Variants in FREM1 observed in about 807,000 individuals in gnomAD.
FREM1 encodes the protein FRAS1-related extracellular matrix protein 1.
In FREM1, 220 loss-of-function variants were observed where a neutral mutation model predicts 210.1. The ratio of observed to expected loss-of-function variants is 1.05; its 90% CI spans 0.94 to 1.17. The LOEUF (loss-of-function observed/expected upper bound fraction) is 1.17. Among genes scored for constraint, FREM1 ranks in the 50% most tolerant of loss-of-function variants. The pLI, the probability that FREM1 is intolerant of heterozygous loss-of-function variation, is 0.00. For missense variants in FREM1, 3,454 were observed against 2,675.5 expected (o/e 1.29, Z -6.42); for synonymous variants, 1,189 against 980.2 (o/e 1.21, Z -3.98).
intron 23 of FREM1, among the ~76,000 whole-genome samples, chr9:14,786,595 A>G (rs954721930): frequency 1.3e-5 from 2 of 152,180 alleles, no homozygotes; most frequent in Non-Finnish European, 2.9e-5. Flanking sequence ...TGGCTTCTAG[A>G]TTCAGAGACC....
At chr9:14,852,256 C>A (rs1827891334) in intron 5 of FREM1, among the ~76,000 whole-genome samples, 1 of 152,166 alleles carries the variant, frequency 6.6e-6, no homozygotes, top group Non-Finnish European at 1.5e-5. Context: ...AAGGGTTGGG[C>A]ATTGGGGATT....
rs1036845750 is a variant in FREM1, at chr9:14,742,565, G to A, written c.6255-2331C>T. ...AATCTGGTTAGGGACAAAGGATAAA[G>A]CAAAATTTGCTGTCCTTGTGGAAAT... On this transcript the variant is annotated intron_variant, in intron 35 of 36. Transcript: ENST00000380880. 3.3e-5 allele frequency among the ~76,000 whole-genome samples: 5 copies of A among 152,220 alleles called. No homozygotes were observed. The East Asian group carries it at 5.8e-4, about 18-fold the overall frequency.
At chr9:14,745,743 G>A (rs2131972130) in intron 35 of FREM1, among the ~76,000 whole-genome samples, 1 of 152,320 alleles carries the variant, frequency 6.6e-6, no homozygotes, top group Non-Finnish European at 1.5e-5. Context: ...AAAAAGGAGG[G>A]TCAGGGATAG....
chr9:14,905,450 C>G (rs748272900), intron 1 of FREM1, among the ~76,000 whole-genome samples: 1 of 152,188 alleles, frequency 6.6e-6, no homozygotes, highest in Non-Finnish European at 1.5e-5. Context: ...GATGCATCTC[C>G]TTATGCATTT....
rs776734535 is a variant in FREM1 at position 14,812,836 on chromosome 9, C to T, written c.2869G>A (p.Glu957Lys). The part of the protein sequence containing the change: ...DQFSQRDVIS[E>K]AVTYKHTGGE... ...CCTGTGTGTTTGTATGTCACGGCCT[C>T]TGAGATAACATCTCTCTGAGAGAAC... Residue 957 changes from glutamate (E) to lysine (K), a missense_variant, in exon 16 of 37, where the codon GAG becomes AAG. By Grantham distance (56) the Glu-to-Lys change is moderately conservative (BLOSUM62 1). Transcript: ENST00000380880. 1.3e-5 allele frequency: 21 copies of T among 1,612,706 alleles called. No individual in the cohort carries two copies. The highest frequency in any genetic ancestry group is 1.8e-5 in the Non-Finnish European group (21 of 1,179,032).
At chr9:14,752,911 G>A (rs999669210) in intron 29 of FREM1, among the ~76,000 whole-genome samples, 2 of 152,204 alleles carry the variant, frequency 1.3e-5, no homozygotes, top group South Asian at 2.1e-4. Flanking sequence ...ACCTTACGGA[G>A]TAGAACCAGA....
intron 23 of FREM1, among the ~76,000 whole-genome samples, chr9:14,787,286 CAA>C (rs869195129): frequency 6.8e-6 from 1 of 147,318 alleles, no homozygotes; most frequent in East Asian, 2.1e-4. Flanking sequence ...CAAAACAAAA[CAA>C]AAAACTGTAC....
intron 1 of FREM1, among the ~76,000 whole-genome samples, chr9:14,888,066 G>A (rs1468494090): frequency 1.3e-5 from 2 of 152,138 alleles, no homozygotes; most frequent in Non-Finnish European, 2.9e-5. Flanking sequence ...CCAAAGTGCT[G>A]GGATTACAGG....
intron 1 of FREM1, 89 bp from the exon 2 acceptor site, chr9:14,869,333 T>C (rs1832136347): frequency 4.9e-6 from 1 of 203,534 alleles, no homozygotes; most frequent in African/African-American, 2.3e-5. Flanking sequence ...AACAAAGGGA[T>C]CTTTCAACCA....
At chr9:14,867,462 T>A (rs926994097) in intron 2 of FREM1, among the ~76,000 whole-genome samples, 2 of 152,140 alleles carry the variant, frequency 1.3e-5, no homozygotes, top group South Asian at 2.1e-4. Context: ...TGACTGACGA[T>A]AAAATCTTAC....
At chr9:14,870,300 A>G (rs988026398) in intron 1 of FREM1, among the ~76,000 whole-genome samples, 1 of 152,178 alleles carries the variant, frequency 6.6e-6, no homozygotes, top group Non-Finnish European at 1.5e-5. Flanking sequence ...GCAGTGCCTG[A>G]CTTGTGTCAC....
chr9:14,869,768 C>T (rs1832243114), intron 1 of FREM1, among the ~76,000 whole-genome samples: 1 of 152,222 alleles, frequency 6.6e-6, no homozygotes, highest in Non-Finnish European at 1.5e-5. Flanking sequence ...GCAATGAAGA[C>T]ACCTAAGAAA....
intron 29 of FREM1, among the ~76,000 whole-genome samples, chr9:14,753,976 C>G (rs1843827350): frequency 6.6e-6 from 1 of 152,130 alleles, no homozygotes; most frequent in Non-Finnish European, 1.5e-5. Context: ...CTCAAAACAG[C>G]ATGTGAGCTC....
At position 14,788,969 on chromosome 9, in the gene FREM1, T is replaced by A. The variant is rs745536185; in HGVS notation, c.4127A>T (p.Asn1376Ile). ...SFTFYLWDGNNRSPALDCQIT... is the reference protein window; with the variant it reads ...SFTFYLWDGNIRSPALDCQIT... ...TTGACAGTCAAGAGCAGGGGACCTG[T>A]TGTTGCCATCCCAAAGGTAGAAGGT... Residue 1376 changes from asparagine (N) to isoleucine (I), a missense_variant, in exon 23 of 37, where the codon AAC becomes ATC. Coordinates refer to ENST00000380880, the MANE Select transcript of FREM1 (RefSeq NM_001379081.2). 1 of 1,613,256 alleles carries A rather than the reference T, an allele frequency of 6.2e-7. No individual in the cohort carries two copies. The highest frequency in any genetic ancestry group is 1.1e-5 in the South Asian group (1 of 90,810).
At chr9:14,860,047 A>G (rs1007329969) in intron 3 of FREM1, among the ~76,000 whole-genome samples, 9 of 152,130 alleles carry the variant, frequency 5.9e-5, no homozygotes, top group African/African-American at 2.2e-4. Flanking sequence ...TCTAAAATAG[A>G]GGGGTGTCAT....
intron 31 of FREM1, 125 bp downstream of exon 31, chr9:14,748,276 C>T (rs1025740324): frequency 1.6e-6 from 1 of 641,256 alleles, no homozygotes; most frequent in East Asian, 2.7e-5. Context: ...GTGCAAGGAA[C>T]CATGGCCCCC....
At chr9:14,887,966 T>A (rs1410415391) in intron 1 of FREM1, among the ~76,000 whole-genome samples, 1 of 151,972 alleles carries the variant, frequency 6.6e-6, no homozygotes, top group Non-Finnish European at 1.5e-5. Context: ...CCCAGCTAAT[T>A]TTCATATTTT....
At chr9:14,860,051 G>T (rs928639560) in intron 3 of FREM1, among the ~76,000 whole-genome samples, 1 of 152,098 alleles carries the variant, frequency 6.6e-6, no homozygotes, top group Non-Finnish European at 1.5e-5. Context: ...AAATAGAGGG[G>T]TGTCATTTTT....
At chr9:14,886,961 A>G (rs1022495909) in intron 1 of FREM1, among the ~76,000 whole-genome samples, 1 of 151,722 alleles carries the variant, frequency 6.6e-6, no homozygotes, top group Non-Finnish European at 1.5e-5. Context: ...TTTTTAAATC[A>G]TCAAAATTTT....
Sources: gnomAD v4.1 joint callset for allele counts (sites outside exome capture counted in the v4.1 genomes callset) on GRCh38, gnomAD v4.1.1 for gene constraint, MANE v1.5 for transcripts, NCBI Gene and HGNC (gene_info 2026-07-23, HGNC 2026-07-21) for gene names.